The following ARHGEF38 variants were observed in gnomAD, a reference collection of about 807,000 sequenced individuals.
The protein encoded by ARHGEF38 is Rho guanine nucleotide exchange factor (GEF) 38.
In ARHGEF38, 79 loss-of-function variants were observed where a neutral mutation model predicts 79.9. The observed-to-expected ratio is 0.99, with a 90% CI of 0.82 to 1.19. The LOEUF is 1.19. ARHGEF38 is among the 50% of genes most tolerant of loss of function. ARHGEF38 has a pLI of 0.00. For missense variants in ARHGEF38, 962 were observed against 907.2 expected (o/e 1.06, Z -0.78); for synonymous variants, 366 against 328.3 (o/e 1.11, Z -1.24).
chr4:105,561,440 G>GAAT lies in ARHGEF38; in HGVS notation c.196+8481_196+8483dup, dbSNP rs1725557922. On this transcript the variant is annotated intron_variant, in intron 1 of 13. Transcript: ENST00000420470. ...GAATAGAATGGAATAGAATAGAATA[G>GAAT]AATAGAATGGAATAGAATAGAATAG... Among the ~76,000 whole-genome samples the GAAT allele has an allele frequency of 4.7e-5, 3 of 63,870 alleles. No individual in the cohort carries two copies. In the Admixed American group the frequency reaches 5.4e-4, roughly 12 times the overall value. 41.9% of individuals were successfully genotyped at this position (63,870 alleles called of 152,430 possible). A position where few individuals can be genotyped will look rare whatever the true frequency, so the allele number is the denominator to read the frequency against.
chr4:105,636,053 T>G (rs796532028), intron 4 of ARHGEF38, among the ~76,000 whole-genome samples: 8 of 152,190 alleles, frequency 5.3e-5, no homozygotes, highest in African/African-American at 1.9e-4. Flanking sequence ...CCTCAATCAC[T>G]GAATGTAAAA....
chr4:105,560,055 T>C (rs180689882), intron 1 of ARHGEF38, among the ~76,000 whole-genome samples: 1 of 152,330 alleles, frequency 6.6e-6, no homozygotes, highest in East Asian at 1.9e-4. Flanking sequence ...TTTATACATA[T>C]GATTTACTAA....
intron 3 of ARHGEF38, among the ~76,000 whole-genome samples, chr4:105,616,016 A>G (rs2110495780): frequency 6.6e-6 from 1 of 152,280 alleles, no homozygotes; most frequent in Middle Eastern, 3.4e-3. Context: ...GTCATGACCT[A>G]TGAGAGGCAT....
At chr4:105,638,134 A>C (rs1436885871) in intron 5 of ARHGEF38, among the ~76,000 whole-genome samples, 1 of 152,192 alleles carries the variant, frequency 6.6e-6, no homozygotes, top group Non-Finnish European at 1.5e-5. Flanking sequence ...TGCAGCCAAA[A>C]GGGCATTTAA....
Position 105,552,825 on chromosome 4 carries a change from C to T in ARHGEF38, c.60C>T (p.Ala20=). ...TGGTCACCAAGAAAAAGAATCTGGC[C>T]TTCTTGAGGTCTAGACTCTATATGC... ...ENMVTKKKNL[A]FLRSRLYMLE... is the part of the protein sequence containing the mutation. Residue 20 remains alanine (A), a synonymous_variant, in exon 1 of 14, where the codon GCC becomes GCT. Coordinates refer to ENST00000420470, the MANE Select transcript of ARHGEF38 (RefSeq NM_001242729.2). 3 of 1,613,024 alleles carry T rather than the reference C, an allele frequency of 1.9e-6. No individual in the cohort carries two copies. The highest frequency in any genetic ancestry group is 2.2e-5 in the South Asian group (2 of 90,816).
Position 105,654,188 on chromosome 4 carries a change from T to C in ARHGEF38, c.1113+19T>C. 7.3e-7 allele frequency: 1 copy of C among 1,363,048 alleles called. No homozygotes were observed. The highest frequency in any genetic ancestry group is 9.9e-7 in the Non-Finnish European group (1 of 1,014,252). The allele number at this position is 1,363,048 out of a possible 1,614,324, so 84.4% of individuals were successfully genotyped here. ...CATACAGGTAGGTGAGACACAACTG[T>C]TTTCAGTGTTCTACAGGAACATCTG... On this transcript the variant is annotated intron_variant, in intron 8 of 13. Transcript: ENST00000420470.
At chr4:105,579,129 C>T (rs1447016131) in intron 1 of ARHGEF38, among the ~76,000 whole-genome samples, 1 of 152,032 alleles carries the variant, frequency 6.6e-6, no homozygotes, top group Non-Finnish European at 1.5e-5. Context: ...ATTTGTTCAT[C>T]AACTGAAGGA....
chr4:105,667,196 T>C lies in ARHGEF38; in HGVS notation c.1757T>C (p.Leu586Pro). ...CTATCCACATATAGTGCAGAGGAACTCTATCAAGCTAAGCGCAAGTGCAAT... is the reference window on the plus strand; with the variant it reads ...CTATCCACATATAGTGCAGAGGAACCCTATCAAGCTAAGCGCAAGTGCAAT... ...KLLSTYSAEE[L>P]YQAKRKCNAT... Residue 586 changes from leucine (L) to proline (P), a missense_variant, in exon 12 of 14, where the codon CTC (leucine) becomes CCC (proline). Physicochemically the swap from Leu to Pro is moderately conservative, Grantham distance 98 (BLOSUM62 -3). Coordinates refer to ENST00000420470, the MANE Select transcript of ARHGEF38 (RefSeq NM_001242729.2). 6.5e-7 allele frequency: 1 copy of C among 1,536,162 alleles called. No individual in the cohort carries two copies. The highest frequency in any genetic ancestry group is 8.7e-7 in the Non-Finnish European group (1 of 1,146,916).
intron 1 of ARHGEF38, among the ~76,000 whole-genome samples, chr4:105,571,155 A>G (rs954747955): frequency 6.6e-6 from 1 of 152,204 alleles, no homozygotes; most frequent in Non-Finnish European, 1.5e-5. Context: ...ACACTTAAAA[A>G]TAGTTACCAT....
chr4:105,602,322 G>C (rs1395737996), intron 2 of ARHGEF38, among the ~76,000 whole-genome samples: 1 of 152,160 alleles, frequency 6.6e-6, no homozygotes, highest in Non-Finnish European at 1.5e-5. Context: ...TGAGGAATTT[G>C]AGATCTTTTC....
chr4:105,559,846 G>A (rs1725433041), intron 1 of ARHGEF38, among the ~76,000 whole-genome samples: 1 of 152,078 alleles, frequency 6.6e-6, no homozygotes, highest in Non-Finnish European at 1.5e-5. Flanking sequence ...AAGAGATTGA[G>A]TATTAGTGTT....
chr4:105,638,683 A>G (rs563563252), intron 5 of ARHGEF38, among the ~76,000 whole-genome samples: 1 of 152,062 alleles, frequency 6.6e-6, no homozygotes, highest in Non-Finnish European at 1.5e-5. Context: ...ACACACATAC[A>G]TTGACTAAAA....
At chr4:105,573,119 G>A (rs557742106) in intron 1 of ARHGEF38, among the ~76,000 whole-genome samples, 207 of 152,176 alleles carry the variant, frequency 1.4e-3, no homozygotes, top group African/African-American at 4.6e-3. Flanking sequence ...GAGTTTTGGA[G>A]CTCTTTCTAC....
chr4:105,672,969 G>A (rs1731004706), intron 13 of ARHGEF38, among the ~76,000 whole-genome samples: 1 of 152,154 alleles, frequency 6.6e-6, no homozygotes, highest in Admixed American at 6.6e-5. Context: ...CATCTCTCTG[G>A]CTTCAAATCT....
In ARHGEF38 at chr4:105,612,145, A is replaced by T. The variant is rs17035980; in HGVS notation, c.385-1239A>T. ...TGGGACAATGTCAAAAAGGAATGGG[A>T]TCAAAAGATGAGCAGGTTGCTTTCT... On this transcript the variant is annotated intron_variant, in intron 2 of 13. Coordinates refer to ENST00000420470, the MANE Select transcript of ARHGEF38 (RefSeq NM_001242729.2). Among the ~76,000 whole-genome samples, 894 of 152,208 alleles carry T rather than the reference A, an allele frequency of 5.9e-3. 8 individuals are homozygous for T. Among genetic ancestry groups the T allele is most frequent in the African/African-American group, 0.021 (864 of 41,542 alleles).
chr4:105,598,649 A>T (rs953428489), intron 2 of ARHGEF38, among the ~76,000 whole-genome samples: 5 of 152,108 alleles, frequency 3.3e-5, no homozygotes, highest in Non-Finnish European at 7.3e-5. Context: ...AAATCCTGTA[A>T]TCTGTATGAC....
intron 9 of ARHGEF38, among the ~76,000 whole-genome samples, chr4:105,657,051 TGATAGATA>T (rs150437901): frequency 2.6e-5 from 4 of 151,194 alleles, no homozygotes; most frequent in East Asian, 1.9e-4. Flanking sequence ...GATAGATAGA[TGATAGATA>T]GATAGATAGA....
chr4:105,665,704 G>A (rs1416374058), intron 10 of ARHGEF38, among the ~76,000 whole-genome samples: 1 of 152,174 alleles, frequency 6.6e-6, no homozygotes, highest in African/African-American at 2.4e-5. Context: ...CCTATTGGCT[G>A]TGATTACAGG....
chr4:105,678,063 G>A lies in ARHGEF38; in HGVS notation c.*126G>A, dbSNP rs1453860033. 1.4e-6 allele frequency: 1 copy of A among 699,522 alleles called. No individual in the cohort carries two copies. Among genetic ancestry groups the A allele is most frequent in the Non-Finnish European group, 2.2e-6 (1 of 458,080 alleles). The allele number at this position is 699,522 out of a possible 1,614,324, so 43.3% of individuals were successfully genotyped here. A position where few individuals can be genotyped will look rare whatever the true frequency, so the allele number is the denominator to read the frequency against. On this transcript the variant is annotated 3_prime_UTR_variant, in exon 14 of 14. Coordinates refer to ENST00000420470, the MANE Select transcript of ARHGEF38 (RefSeq NM_001242729.2). ...AACTACAGAAACTGATACTGTACTG[G>A]GTTTTCAGGAATACTGTACTTCCTA...
Sources: allele counts gnomAD v4.1 joint callset (sites outside exome capture counted in the v4.1 genomes callset), GRCh38; gene constraint gnomAD v4.1.1; transcripts MANE v1.5; gene names NCBI Gene and HGNC (gene_info 2026-07-23, HGNC 2026-07-21).